Variants in SLTM observed in about 807,000 individuals in gnomAD.
SLTM encodes the protein SAFB-like transcription modulator.
A neutral mutation model predicts 134.6 loss-of-function variants in SLTM; 43 were observed. The observed-to-expected ratio is 0.32, with a 90% confidence interval of 0.25 to 0.41. The LOEUF (loss-of-function observed/expected upper bound fraction) is 0.41. Ranked by LOEUF, SLTM falls within the 10% of genes least tolerant of loss-of-function variation. The pLI is 1.00. For missense variants in SLTM, 1,055 were observed against 1,288.8 expected (o/e 0.82, Z 2.78); for synonymous variants, 424 against 432.3 (o/e 0.98, Z 0.24).
chr15:58,880,365 T>TAC (rs1430357497), intron 20 of SLTM, among the ~76,000 whole-genome samples: 1 of 152,132 alleles, frequency 6.6e-6, no homozygotes, highest in Non-Finnish European at 1.5e-5. Flanking sequence ...GAAGCCCCAT[T>TAC]ACTTCAGAAG....
At chr15:58,882,695 A>G (rs2033839024) in intron 20 of SLTM, among the ~76,000 whole-genome samples, 1 of 152,242 alleles carries the variant, frequency 6.6e-6, no homozygotes, top group Admixed American at 6.5e-5. Flanking sequence ...GTTTGATGGT[A>G]GAAGTGACCA....
chr15:58,887,517 C>T lies in SLTM; in HGVS notation c.2399G>A (p.Ser800Asn), dbSNP rs1448102651. 3 of 1,612,368 alleles carry T rather than the reference C, an allele frequency of 1.9e-6. No individual in the cohort carries two copies. Among genetic ancestry groups the T allele is most frequent in the Non-Finnish European group, 1.7e-6 (2 of 1,179,274 alleles). Reference protein sequence around the residue: ...FERRDRFVGQSEGKKARPTAR... With the variant: ...FERRDRFVGQNEGKKARPTAR... ...AGTAGGTCGTGCTTTTTTCCCCTCA[C>T]TTTGACCAACAAAGCGATCCCGCCT... Residue 800 changes from serine (S) to asparagine (N), a missense_variant, in exon 18 of 21, where the codon AGT (serine) becomes AAT (asparagine). This residue lies in a region of SLTM where 776 missense variants were observed against 962.2 expected (regional missense o/e 0.81). Transcript: ENST00000380516.
chr15:58,893,224 A>T (rs1183775292), intron 13 of SLTM, 55 bp downstream of exon 13: 2 of 1,491,434 alleles, frequency 1.3e-6, no homozygotes, highest in African/African-American at 2.8e-5. Context: ...AAACAGAATT[A>T]TCTTCTTTTG....
In SLTM at chr15:58,926,890, G is replaced by A. The variant is rs376594749; in HGVS notation, c.250+5466C>T. Among the ~76,000 whole-genome samples the A allele has an allele frequency of 4.6e-5, 7 of 152,152 alleles. No homozygotes were observed. The East Asian group carries it at 1.2e-3, about 25-fold the overall frequency. On this transcript the variant is annotated intron_variant, in intron 2 of 20. Transcript: ENST00000380516. ...GCCTCCCAAAGTGCTGAGATTATAG[G>A]TGTGAGCCACCGCGCCTGGCCAAAT...
chr15:58,913,467 G>A, intron 4 of SLTM, 32 bp downstream of exon 4: 1 of 1,512,588 alleles, frequency 6.6e-7, no homozygotes, highest in Non-Finnish European at 9.0e-7. Context: ...TAATTTATCT[G>A]TGTCATGTTT....
intron 19 of SLTM, among the ~76,000 whole-genome samples, chr15:58,884,698 G>T (rs1386572593): frequency 2.0e-5 from 3 of 151,462 alleles, no homozygotes; most frequent in African/African-American, 7.3e-5. Context: ...TGTTGCTACC[G>T]TAACTCACTG....
chr15:58,891,853 T>C (rs183663718), intron 14 of SLTM, among the ~76,000 whole-genome samples: 2 of 152,296 alleles, frequency 1.3e-5, no homozygotes, highest in South Asian at 2.1e-4. Context: ...AGTAAAGGCA[T>C]TGCAACTTTT....
intron 14 of SLTM, among the ~76,000 whole-genome samples, chr15:58,892,658 A>G (rs568100205): frequency 4.6e-5 from 7 of 152,176 alleles, no homozygotes; most frequent in East Asian, 1.9e-4. Context: ...ATTTTTTTCA[A>G]TTGTATAATG....
chr15:58,899,848 C>T lies in SLTM; in HGVS notation c.679G>A (p.Glu227Lys), dbSNP rs147911064. ...SLAEADHTAH[E>K]EMEAHTTVKE... ...ACAGTCGTATGAGCTTCCATCTCTT[C>T]ATGAGCTGTGTGATCAGCCTCAGCT... Residue 227 changes from glutamate to lysine, a missense_variant, in exon 7 of 21, where the codon GAA becomes AAA. This residue lies in a region of SLTM where 268 missense variants were observed against 284.3 expected (regional missense o/e 0.94). Coordinates refer to ENST00000380516, the MANE Select transcript of SLTM (RefSeq NM_024755.4). The surrounding 1 kb of genome is among the most constrained non-coding windows in gnomAD (Gnocchi z 5.0). 484 of 1,614,028 alleles carry T rather than the reference C, an allele frequency of 3.0e-4. No individual in the cohort carries two copies. Among genetic ancestry groups the T allele is most frequent in the Non-Finnish European group, 3.5e-4 (410 of 1,180,014 alleles).
At chr15:58,887,682 A>G in intron 17 of SLTM, 142 bp from the exon 18 acceptor site, 1 of 1,420,794 alleles carries the variant, frequency 7.0e-7, no homozygotes, top group Non-Finnish European at 9.2e-7. Context: ...CTAGTTATTG[A>G]TTATTACAAC....
chr15:58,912,985 A>G (rs1322052475), intron 4 of SLTM, among the ~76,000 whole-genome samples: 1 of 152,218 alleles, frequency 6.6e-6, no homozygotes, highest in Non-Finnish European at 1.5e-5. Context: ...TCTGCTTTAA[A>G]ATTAAACTTT....
At chr15:58,880,522 A>C (rs1362333117) in intron 20 of SLTM, among the ~76,000 whole-genome samples, 8 of 151,770 alleles carry the variant, frequency 5.3e-5, no homozygotes, top group African/African-American at 1.9e-4. Context: ...TGAGGGTGGG[A>C]CTCCCAGCAA....
At chr15:58,933,309 G>T in intron 1 of SLTM, 95 bp downstream of exon 1, 1 of 1,379,902 alleles carries the variant, frequency 7.2e-7, no homozygotes, top group African/African-American at 1.5e-5. Flanking sequence ...AGGTCCCAGC[G>T]GCTGCGGGCA....
chr15:58,922,563 AT>A (rs1175448580), intron 2 of SLTM, among the ~76,000 whole-genome samples: 114 of 53,510 alleles, frequency 2.1e-3, no homozygotes, highest in East Asian at 0.018. Flanking sequence ...TAATATGTAT[AT>A]AATATATATT....
chr15:58,906,422 T>C (rs1361733135), intron 5 of SLTM, among the ~76,000 whole-genome samples: 2 of 152,214 alleles, frequency 1.3e-5, no homozygotes, highest in Non-Finnish European at 1.5e-5. Context: ...AGTCAAATGC[T>C]AAAATACATA....
chr15:58,918,037 G>C lies in SLTM; in HGVS notation c.251-1038C>G, dbSNP rs190345252. On this transcript the variant is annotated intron_variant, in intron 2 of 20. Coordinates refer to ENST00000380516, the MANE Select transcript of SLTM (RefSeq NM_024755.4). ...CCAAAGTGCTAGGATTACAGGCACTGAGCCATTGCGCCCAGCTGGTAGTTG... is the reference window on the plus strand; with the variant it reads ...CCAAAGTGCTAGGATTACAGGCACTCAGCCATTGCGCCCAGCTGGTAGTTG... Among the ~76,000 whole-genome samples the C allele has an allele frequency of 2.6e-5, 4 of 151,602 alleles. No individual in the cohort carries two copies. The East Asian group carries it at 7.8e-4, about 29-fold the overall frequency.
At chr15:58,917,549 G>A (rs923914441) in intron 2 of SLTM, among the ~76,000 whole-genome samples, 11 of 152,142 alleles carry the variant, frequency 7.2e-5, no homozygotes, top group Non-Finnish European at 1.2e-4. Flanking sequence ...TTTAAATACA[G>A]TGACTACTTT....
chr15:58,898,729 A>T, intron 8 of SLTM, 74 bp downstream of exon 8: 1 of 1,131,932 alleles, frequency 8.8e-7, no homozygotes, highest in Non-Finnish European at 1.3e-6. Context: ...CAAAGAAAAC[A>T]CCGCGCAACT....
At chr15:58,917,511 AC>A (rs2036729436) in intron 2 of SLTM, among the ~76,000 whole-genome samples, 1 of 152,186 alleles carries the variant, frequency 6.6e-6, no homozygotes, top group African/African-American at 2.4e-5. Context: ...TCTCTAGTAC[AC>A]CTTGCCTCTT....
Sources: allele counts gnomAD v4.1 joint callset (sites outside exome capture counted in the v4.1 genomes callset), GRCh38; gene constraint gnomAD v4.1.1; regional missense constraint gnomAD v4.1.1; non-coding constraint Gnocchi (gnomAD v3.1); transcripts MANE v1.5; gene names NCBI Gene and HGNC (gene_info 2026-07-23, HGNC 2026-07-21).